THEMIS: variants seen among roughly 807,000 people sequenced by gnomAD.
THEMIS encodes protein THEMIS.
Under a neutral mutation model 52.6 loss-of-function variants are expected in THEMIS, and 37 were observed. The observed-to-expected ratio is 0.70, with a 90% CI of 0.54 to 0.93. The LOEUF is 0.93. Ranked by LOEUF, THEMIS falls within the 40% of genes least tolerant of loss-of-function variation. THEMIS has a pLI of 0.00. For missense variants in THEMIS, 808 were observed against 763.1 expected, an observed-to-expected ratio of 1.06 and a Z score of -0.69; for synonymous variants, 292 against 272.7, an observed-to-expected ratio of 1.07 and a Z score of -0.70.
chr6:127,748,988 A>ATT (rs1775544256), intron 4 of THEMIS, among the ~76,000 whole-genome samples: 2 of 152,074 alleles, frequency 1.3e-5, no homozygotes, highest in Non-Finnish European at 2.9e-5. Flanking sequence ...AACTCACAGT[A>ATT]TATCTATAAA....
intron 1 of THEMIS, among the ~76,000 whole-genome samples, chr6:127,914,468 G>T (rs1303267962): frequency 6.6e-6 from 1 of 152,162 alleles, no homozygotes; most frequent in Admixed American, 6.5e-5. Context: ...TAATCATAGA[G>T]TGTGCTTACA....
At chr6:127,858,646 T>TA (rs1157389764) in intron 1 of THEMIS, among the ~76,000 whole-genome samples, 5 of 152,132 alleles carry the variant, frequency 3.3e-5, no homozygotes, top group Non-Finnish European at 7.4e-5. Flanking sequence ...TAATTGCTTT[T>TA]AAAAAAATTG....
rs1562335705 is a variant in THEMIS at position 127,911,056 on chromosome 6, G to GCAGCTGGTGAAAGCAGCCAGAAGAT, written c.-150+7371_-150+7372insATCTTCTGGCTGCTTTCACCAGCTG. Among the ~76,000 whole-genome samples, 191 of 151,370 alleles carry GCAGCTGGTGAAAGCAGCCAGAAGAT rather than the reference G, an allele frequency of 1.3e-3. 5 individuals are homozygous for GCAGCTGGTGAAAGCAGCCAGAAGAT. The highest frequency in any genetic ancestry group is 4.3e-3 in the African/African-American group (177 of 40,732). ...ATGGTTCACCTTGGGTTATGGGTTT[G>GCAGCTGGTGAAAGCAGCCAGAAGAT]GGGAGGAAGACCACAGAGGTAAATT... On this transcript the variant is annotated intron_variant, in intron 1 of 6. Coordinates refer to the THEMIS transcript ENST00000368250.
chr6:127,808,836 A>G (rs113176852), intron 4 of THEMIS, among the ~76,000 whole-genome samples: 2,011 of 152,114 alleles, frequency 0.013, 46 homozygotes, highest in African/African-American at 0.046. Flanking sequence ...AATTCTTTCT[A>G]TTTCTCCTAG....
chr6:127,749,487 T>C (rs1583230169), intron 4 of THEMIS, among the ~76,000 whole-genome samples: 1 of 152,166 alleles, frequency 6.6e-6, no homozygotes, highest in East Asian at 1.9e-4. Context: ...TTTTTAAAAA[T>C]GTTCTATCAC....
At chr6:127,833,544 T>C (rs1266254849) in intron 2 of THEMIS, among the ~76,000 whole-genome samples, 1 of 152,206 alleles carries the variant, frequency 6.6e-6, no homozygotes, top group Non-Finnish European at 1.5e-5. Flanking sequence ...TGCCTCCCTG[T>C]TGCATGTATG....
At chr6:127,869,148 A>G (rs901944767) in intron 1 of THEMIS, among the ~76,000 whole-genome samples, 4 of 152,206 alleles carry the variant, frequency 2.6e-5, no homozygotes, top group Non-Finnish European at 5.9e-5. Flanking sequence ...ATTGATATTT[A>G]TTAAGCTAGT....
chr6:127,912,590 T>A (rs1781436461), intron 1 of THEMIS, among the ~76,000 whole-genome samples: 1 of 152,160 alleles, frequency 6.6e-6, no homozygotes, highest in Admixed American at 6.5e-5. Flanking sequence ...TTCCATATTA[T>A]TTTAGACCCA....
chr6:127,765,409 T>A (rs541557633), intron 4 of THEMIS, among the ~76,000 whole-genome samples: 1 of 152,226 alleles, frequency 6.6e-6, no homozygotes, highest in South Asian at 2.1e-4. Context: ...TGATACCAGG[T>A]CACTAGCTGT....
At position 127,751,487 on chromosome 6, in the gene THEMIS, A is replaced by T. The variant is rs1775642441; in HGVS notation, c.1759-31664T>A. On this transcript the variant is annotated intron_variant, in intron 4 of 5. Coordinates refer to ENST00000368248, the MANE Select transcript of THEMIS (RefSeq NM_001010923.3). ...GACAAAGTGAAGTAATCAAAGAAAGATATTCCATGCAAACAGTAACCAAAA... is the reference window on the plus strand; with the variant it reads ...GACAAAGTGAAGTAATCAAAGAAAGTTATTCCATGCAAACAGTAACCAAAA... 1.3e-5 allele frequency among the ~76,000 whole-genome samples: 2 copies of T among 151,758 alleles called. 1 individual carries two copies. Among genetic ancestry groups the T allele is most frequent in the South Asian group, 4.1e-4 (2 of 4,832 alleles).
chr6:127,876,075 A>G (rs2114404693), intron 1 of THEMIS, among the ~76,000 whole-genome samples: 1 of 152,344 alleles, frequency 6.6e-6, no homozygotes, highest in Middle Eastern at 3.4e-3. Flanking sequence ...CAGTGATTGG[A>G]GAAAACTCAA....
At chr6:127,749,230 G>A (rs943187781) in intron 4 of THEMIS, among the ~76,000 whole-genome samples, 5 of 151,994 alleles carry the variant, frequency 3.3e-5, no homozygotes, top group Non-Finnish European at 7.4e-5. Flanking sequence ...TTACAGCTAT[G>A]GCCTTCAGAG....
At chr6:127,707,003 C>G (rs1017500563), downstream of THEMIS, among the ~76,000 whole-genome samples, 1 of 152,068 alleles carries the variant, frequency 6.6e-6, no homozygotes, top group Non-Finnish European at 1.5e-5. Flanking sequence ...GGGGAGGCCT[C>G]AGGAAATTTA....
chr6:127,723,539 C>T (rs79357666), intron 4 of THEMIS, among the ~76,000 whole-genome samples: 4,206 of 152,000 alleles, frequency 0.028, 205 homozygotes, highest in African/African-American at 0.096. Flanking sequence ...ATGACTCCAG[C>T]GGGGAGGTAG....
chr6:127,839,774 T>C (rs1015684544), intron 2 of THEMIS, among the ~76,000 whole-genome samples: 1 of 152,068 alleles, frequency 6.6e-6, no homozygotes, highest in Non-Finnish European at 1.5e-5. Context: ...AACACCCTTA[T>C]AAGAACAACT....
intron 2 of THEMIS, among the ~76,000 whole-genome samples, chr6:127,830,697 TA>T (rs1227185918): frequency 6.6e-6 from 1 of 150,526 alleles, no homozygotes; most frequent in Non-Finnish European, 1.5e-5. Context: ...CAAAAAAAAA[TA>T]AAAAATAAAA....
At chr6:127,807,536 G>A (rs1017940212) in intron 4 of THEMIS, among the ~76,000 whole-genome samples, 6 of 151,930 alleles carry the variant, frequency 3.9e-5, no homozygotes, top group Non-Finnish European at 5.9e-5. Flanking sequence ...AAATATGTCC[G>A]TATTCTATCT....
chr6:127,769,347 T>G (rs925256341), intron 4 of THEMIS, among the ~76,000 whole-genome samples: 3 of 146,860 alleles, frequency 2.0e-5, no homozygotes, highest in South Asian at 4.2e-4. Flanking sequence ...GACCAGTTTT[T>G]TTTTGTTTTT....
At chr6:127,703,012 C>A in the THEMIS span, among the ~76,000 whole-genome samples, 1 of 123,142 alleles carries the variant, frequency 8.1e-6, no homozygotes, top group African/African-American at 3.0e-5. Context: ...TGTAACGTTG[C>A]AAAAACAAGA....
Sources: gnomAD v4.1 joint callset for allele counts (sites outside exome capture counted in the v4.1 genomes callset) on GRCh38, gnomAD v4.1.1 for gene constraint, MANE v1.5 for transcripts, NCBI Gene and HGNC (gene_info 2026-07-23, HGNC 2026-07-21) for gene names.